SLC9A9: variants seen among roughly 807,000 people sequenced by gnomAD.
The protein encoded by SLC9A9 is sodium/hydrogen exchanger 9.
In SLC9A9, 62 loss-of-function variants were observed where a neutral mutation model predicts 77.8. The ratio of observed to expected loss-of-function variants is 0.80; its 90% CI spans 0.65 to 0.98. SLC9A9 has a LOEUF of 0.98. SLC9A9 is among the 50% of genes least tolerant of loss of function. SLC9A9 has a pLI of 0.00. For synonymous variants in SLC9A9, 320 were observed against 283.5 expected (o/e 1.13, Z -1.29); for missense variants, 775 against 774.9 (o/e 1.00, Z 0.00).
intron 12 of SLC9A9, among the ~76,000 whole-genome samples, chr3:143,410,295 G>A (rs2034068156): frequency 6.6e-6 from 1 of 152,084 alleles, no homozygotes; most frequent in Non-Finnish European, 1.5e-5. Flanking sequence ...GGGTAAGCAG[G>A]GCTATAATAG....
At chr3:143,466,900 G>C in intron 12 of SLC9A9, 137 bp downstream of exon 12, 5 of 1,069,728 alleles carry the variant, frequency 4.7e-6, no homozygotes, top group Non-Finnish European at 7.0e-6. Flanking sequence ...TTCACCTTAT[G>C]AGTGAAGGTC....
intron 4 of SLC9A9, among the ~76,000 whole-genome samples, chr3:143,735,263 G>A (rs1298521368): frequency 7.2e-5 from 11 of 152,194 alleles, no homozygotes; most frequent in African/African-American, 2.4e-4. Context: ...AATCAATAAT[G>A]TGAAGCAGCA....
At chr3:143,284,818 G>A (rs1042602691) in intron 14 of SLC9A9, among the ~76,000 whole-genome samples, 7 of 152,116 alleles carry the variant, frequency 4.6e-5, no homozygotes, top group African/African-American at 1.2e-4. Flanking sequence ...GTTCAGTCAC[G>A]TGTTCAGGGG....
chr3:143,613,357 G>A (rs73867686), intron 6 of SLC9A9, among the ~76,000 whole-genome samples: 7,144 of 152,260 alleles, frequency 0.047, 290 homozygotes, highest in African/African-American at 0.1. Context: ...AATTAAGACT[G>A]TTGTGAAACA....
intron 14 of SLC9A9, among the ~76,000 whole-genome samples, chr3:143,310,154 C>A (rs1272397817): frequency 6.6e-6 from 1 of 152,148 alleles, no homozygotes; most frequent in African/African-American, 2.4e-5. Flanking sequence ...CTGACAGAGG[C>A]TGTAGAGTCA....
At chr3:143,469,599 G>A (rs890468646) in intron 11 of SLC9A9, among the ~76,000 whole-genome samples, 1 of 152,146 alleles carries the variant, frequency 6.6e-6, no homozygotes, top group Non-Finnish European at 1.5e-5. Flanking sequence ...TTGTTTCTAG[G>A]TTCTCAACTT....
At chr3:143,339,470 C>A (rs113701347) in intron 14 of SLC9A9, among the ~76,000 whole-genome samples, 1,550 of 152,226 alleles carry the variant, frequency 0.01, 28 homozygotes, top group African/African-American at 0.035. Flanking sequence ...CCAGGCTGCT[C>A]ATTTCTTATG....
intron 8 of SLC9A9, among the ~76,000 whole-genome samples, chr3:143,558,099 A>G (rs563771239): frequency 1.3e-5 from 2 of 152,248 alleles, no homozygotes; most frequent in East Asian, 1.9e-4. Flanking sequence ...CTGTGTCCCA[A>G]CTGCTTTAGC....
chr3:143,499,077 A>G (rs1456269328), intron 9 of SLC9A9, among the ~76,000 whole-genome samples: 2 of 152,160 alleles, frequency 1.3e-5, no homozygotes, highest in Non-Finnish European at 2.9e-5. Context: ...TTGCACTCCA[A>G]TCAGCAATTC....
At chr3:143,695,254 T>C (rs1268230777) in intron 4 of SLC9A9, among the ~76,000 whole-genome samples, 2 of 152,154 alleles carry the variant, frequency 1.3e-5, no homozygotes, top group Non-Finnish European at 2.9e-5. Flanking sequence ...GTTACATAAG[T>C]ATATACATGC....
intron 9 of SLC9A9, among the ~76,000 whole-genome samples, chr3:143,526,517 A>AATTTAAG (rs2036408409): frequency 6.6e-6 from 1 of 152,130 alleles, no homozygotes; most frequent in Non-Finnish European, 1.5e-5. Context: ...ACCTGCCCCT[A>AATTTAAG]ATTTAAGAGA....
intron 4 of SLC9A9, among the ~76,000 whole-genome samples, chr3:143,724,513 G>A (rs908711400): frequency 2.6e-5 from 4 of 152,166 alleles, no homozygotes; most frequent in African/African-American, 7.2e-5. Flanking sequence ...ATTTAACTTC[G>A]TGGAAAGCTC....
chr3:143,544,605 C>A (rs2036752911), intron 9 of SLC9A9, among the ~76,000 whole-genome samples: 1 of 152,024 alleles, frequency 6.6e-6, no homozygotes, highest in Non-Finnish European at 1.5e-5. Flanking sequence ...TATTTTCTCC[C>A]ATTATGTAGG....
intron 2 of SLC9A9, among the ~76,000 whole-genome samples, chr3:143,806,739 G>GGC (rs1553724409): frequency 2.0e-5 from 3 of 150,272 alleles, no homozygotes; most frequent in African/African-American, 4.9e-5. Context: ...TGTGGTGGTG[G>GGC]GGGGGGCAAG....
chr3:143,450,135 AT>A (rs1309816917), intron 12 of SLC9A9, among the ~76,000 whole-genome samples: 1 of 127,552 alleles, frequency 7.8e-6, no homozygotes, highest in African/African-American at 2.9e-5. Context: ...TAATATATAA[AT>A]ATATAATTTA....
chr3:143,646,396 G>C (rs1297437369), intron 6 of SLC9A9, among the ~76,000 whole-genome samples: 1 of 147,704 alleles, frequency 6.8e-6, no homozygotes, highest in African/African-American at 2.5e-5. Context: ...ATATAAATTT[G>C]GCTGTGAATT....
At chr3:143,522,635 T>C (rs946221316) in intron 9 of SLC9A9, among the ~76,000 whole-genome samples, 19 of 152,094 alleles carry the variant, frequency 1.2e-4, no homozygotes, top group African/African-American at 4.3e-4. Flanking sequence ...TCCCACCAAA[T>C]ATAAATAAAC....
chr3:143,475,753 C>T (rs552903016), intron 11 of SLC9A9, among the ~76,000 whole-genome samples: 2 of 148,604 alleles, frequency 1.3e-5, no homozygotes, highest in East Asian at 2.0e-4. Context: ...GGTTGCGCCA[C>T]TGCACTCCAG....
intron 6 of SLC9A9, among the ~76,000 whole-genome samples, chr3:143,607,185 A>G (rs2037942637): frequency 6.6e-6 from 1 of 152,136 alleles, no homozygotes; most frequent in African/African-American, 2.4e-5. Flanking sequence ...CAGATAAACT[A>G]TATTTCAAAA....
Sources: gnomAD v4.1 joint callset for allele counts (sites outside exome capture counted in the v4.1 genomes callset) on GRCh38, gnomAD v4.1.1 for gene constraint, MANE v1.5 for transcripts, NCBI Gene and HGNC (gene_info 2026-07-23, HGNC 2026-07-21) for gene names.